The following NDUFB7 variants were observed in gnomAD, a reference collection of about 807,000 sequenced individuals.
NDUFB7 encodes the protein NADH:ubiquinone oxidoreductase subunit B7, also known as NADH dehydrogenase [ubiquinone] 1 beta subcomplex subunit 7.
A neutral mutation model predicts 14.7 loss-of-function variants in NDUFB7; 18 were observed. That is an observed-to-expected ratio of 1.22 (90% CI 0.85 to 1.81). The LOEUF (loss-of-function observed/expected upper bound fraction) is 1.81, where lower values mean the gene tolerates loss of function less well. Among genes scored for constraint, NDUFB7 ranks in the 40% most tolerant of loss-of-function variants. The pLI, the probability that NDUFB7 is intolerant of heterozygous loss-of-function variation, is 0.00. For synonymous variants in NDUFB7, 86 were observed against 76.1 expected (o/e 1.13, Z -0.68); for missense variants, 219 against 195.0 (o/e 1.12, Z -0.73).
At position 14,566,780 on chromosome 19, in the gene NDUFB7, T is replaced by C; in HGVS notation, c.266A>G (p.Tyr89Cys). ...GGGTGCTCACTCGCGGTGCTCGCAG[T>C]AGTCCCAGTCGTGCCGCTCCTGCTT... ...ACKQERHDWD[Y>C]CEHRDYVMRM... The change falls in exon 2 of 3, where the codon TAC becomes TGC. Residue 89 changes from tyrosine (Y) to cysteine (C), a missense_variant. Tyr to Cys is a radical substitution (Grantham distance 194, BLOSUM62 -2). Transcript: ENST00000215565. The C allele has an allele frequency of 1.3e-6, 2 of 1,545,078 alleles. No individual in the cohort carries two copies. Among genetic ancestry groups the C allele is most frequent in the Non-Finnish European group, 1.7e-6 (2 of 1,146,574 alleles).
chr19:14,568,356 TTCTCTGCTGCCG>T (rs1273515593), intron 1 of NDUFB7, among the ~76,000 whole-genome samples: 2 of 152,142 alleles, frequency 1.3e-5, no homozygotes, highest in Non-Finnish European at 2.9e-5. Flanking sequence ...GAGAGCCTTT[TTCTCTGCTGCCG>T]CCCCGTATGT....
rs1383633689 is a variant in NDUFB7, at chr19:14,567,160, G to A, written c.113-227C>T. 1.3e-5 allele frequency among the ~76,000 whole-genome samples: 2 copies of A among 152,060 alleles called. No individual in the cohort carries two copies. Among genetic ancestry groups the A allele is most frequent in the African/African-American group, 2.4e-5 (1 of 41,380 alleles). On this transcript the variant is annotated intron_variant, in intron 1 of 2. Transcript: ENST00000215565. This position sits in a 1 kb window ranked among gnomAD's most constrained non-coding sequence, Gnocchi z 5.1. ...ACTCCAGACACCAAGGGCCAGACAG[G>A]AGAAGGTGGCTCCCCATCACCCTGA...
chr19:14,571,602 G>GA (rs35596195), intron 1 of NDUFB7, among the ~76,000 whole-genome samples: 19 of 146,256 alleles, frequency 1.3e-4, no homozygotes, highest in Non-Finnish European at 1.4e-4. Context: ...CGTCTCAAAA[G>GA]AAAAAAAAAA....
rs35596195 is a variant in NDUFB7 at position 14,571,602 on chromosome 19, GAA to G, written c.112+285_112+286del. On this transcript the variant is annotated intron_variant, in intron 1 of 2. Transcript: ENST00000215565. Reference sequence around the variant, plus strand: ...GAAAAAGCGAGACTCCGTCTCAAAAGAAAAAAAAAAAAGACTCGACCCAGCTC... The same window carrying G: ...GAAAAAGCGAGACTCCGTCTCAAAAGAAAAAAAAAAGACTCGACCCAGCTC... Among the ~76,000 whole-genome samples, 1,020 of 146,280 alleles carry G rather than the reference GAA, an allele frequency of 7.0e-3. 11 individuals are homozygous for G. Among genetic ancestry groups the G allele is most frequent in the African/African-American group, 0.022 (886 of 40,146 alleles).
chr19:14,568,114 A>C (rs1455623297), intron 1 of NDUFB7, among the ~76,000 whole-genome samples: 6 of 152,086 alleles, frequency 3.9e-5, no homozygotes, highest in African/African-American at 1.4e-4. Flanking sequence ...GCAAGATCTC[A>C]GCTCACTGCA....
At chr19:14,570,747 T>C (rs1225486294) in intron 1 of NDUFB7, among the ~76,000 whole-genome samples, 1 of 152,232 alleles carries the variant, frequency 6.6e-6, no homozygotes, top group African/African-American at 2.4e-5. Flanking sequence ...CTGGAGACAG[T>C]GCCTGCATCC....
chr19:14,566,344 G>C, intron 2 of NDUFB7, 79 bp from the exon 3 acceptor site: 1 of 1,595,614 alleles, frequency 6.3e-7, no homozygotes, highest in East Asian at 2.2e-5. Flanking sequence ...CGGAGGGGCC[G>C]TCCCAGAGCA....
In NDUFB7 at chr19:14,567,339, G is replaced by A. The variant is rs1158313398; in HGVS notation, c.113-406C>T. On this transcript the variant is annotated intron_variant, in intron 1 of 2. Coordinates refer to ENST00000215565, the MANE Select transcript of NDUFB7 (RefSeq NM_004146.6). This position sits in a 1 kb window ranked among gnomAD's most constrained non-coding sequence, Gnocchi z 5.1. ...CCTCCACCTGCACCTGGGGCTCCAG[G>A]CAGCACTCCCAGCCTTTCTTGTCTG... Among the ~76,000 whole-genome samples the A allele has an allele frequency of 6.6e-6, 1 of 152,018 alleles. No individual in the cohort carries two copies. Among genetic ancestry groups the A allele is most frequent in the East Asian group, 1.9e-4 (1 of 5,178 alleles).
chr19:14,570,128 C>G (rs1353796784), intron 1 of NDUFB7, among the ~76,000 whole-genome samples: 2 of 152,054 alleles, frequency 1.3e-5, no homozygotes, highest in East Asian at 3.9e-4. Flanking sequence ...AACTCCTGAC[C>G]TCAGGTGATC....
chr19:14,566,409 G>A (rs2074086129), intron 2 of NDUFB7, 144 bp from the exon 3 acceptor site: 1 of 1,388,894 alleles, frequency 7.2e-7, no homozygotes, highest in Non-Finnish European at 9.8e-7. Flanking sequence ...CTTGGGTCTG[G>A]GGTCTGCCCA....
At position 14,566,113 on chromosome 19, in the gene NDUFB7, T is replaced by C. The variant is rs377258117; in HGVS notation, c.*20A>G. ...TGAAGGCTTTTATTTGACTGGTCCA[T>C]AGGGTGGGGGGTGCACCCCCTACAG... On this transcript the variant is annotated 3_prime_UTR_variant, in exon 3 of 3. Transcript: ENST00000215565. 10 of 1,601,970 alleles carry C rather than the reference T, an allele frequency of 6.2e-6. No homozygotes were observed. The highest frequency in any genetic ancestry group is 6.8e-6 in the Non-Finnish European group (8 of 1,174,088).
intron 2 of NDUFB7, 122 bp downstream of exon 2, chr19:14,566,643 G>T: frequency 1.1e-6 from 1 of 912,686 alleles, no homozygotes; most frequent in Non-Finnish European, 1.6e-6. Flanking sequence ...TGTTGGCGGG[G>T]GTGGGAGGGG....
chr19:14,571,290 C>T (rs2074123701), intron 1 of NDUFB7, among the ~76,000 whole-genome samples: 1 of 152,284 alleles, frequency 6.6e-6, no homozygotes, highest in South Asian at 2.1e-4. Context: ...CATGACTCCC[C>T]ACGTCCCCCA....
In NDUFB7 at chr19:14,566,927, A is replaced by G; in HGVS notation, c.119T>C (p.Val40Ala). The G allele has an allele frequency of 1.3e-6, 2 of 1,582,350 alleles. No individual in the cohort carries two copies. Among genetic ancestry groups the G allele is most frequent in the Non-Finnish European group, 1.7e-6 (2 of 1,169,102 alleles). The change falls in exon 2 of 3, where the codon GTG (valine) becomes GCG (alanine). Residue 40 changes from valine to alanine, a missense_variant. By Grantham distance (64) the Val-to-Ala change is moderately conservative (BLOSUM62 0). Transcript: ENST00000215565. ...GTCCATCATCTCCTGCTGTGTGGCC[A>G]CCATCTCTGCAGGGAGTGGGCGGGG... ...GFPERKEREM[V>A]ATQQEMMDAQ...
intron 1 of NDUFB7, among the ~76,000 whole-genome samples, chr19:14,568,409 C>T (rs1472097152): frequency 6.6e-6 from 1 of 152,194 alleles, no homozygotes; most frequent in African/African-American, 2.4e-5. Context: ...CTCCACCCCA[C>T]ACCTCGCTTG....
chr19:14,570,022 G>A (rs1003347308), intron 1 of NDUFB7, among the ~76,000 whole-genome samples: 1 of 151,922 alleles, frequency 6.6e-6, no homozygotes, highest in Non-Finnish European at 1.5e-5. Flanking sequence ...CTCCCAGACA[G>A]CTGGGATTAC....
chr19:14,566,986 C>T (rs1181597138), intron 1 of NDUFB7, 53 bp from the exon 2 acceptor site: 16 of 1,511,164 alleles, frequency 1.1e-5, no homozygotes, highest in African/African-American at 4.1e-5. Context: ...ACCCCAATTC[C>T]GGGGATCCCC....
Position 14,566,183 on chromosome 19 carries a change from ACT to A in NDUFB7, c.362_363del (p.Glu121ValfsTer?). On this transcript the variant is annotated frameshift_variant, in exon 3 of 3. Coordinates refer to ENST00000215565, the MANE Select transcript of NDUFB7 (RefSeq NM_004146.6). LOFTEE classifies it high-confidence loss of function. ...RKKRREKKAA[E>X]LAKGQGPGEV... is the part of the protein sequence containing the mutation. ...TCCCCGGGTCCCTGGCCTTTGGCCA[ACT>A]CTGCCGCCTTCTTCTCCCGCCGCTT... 4.3e-6 allele frequency: 7 copies of A among 1,613,318 alleles called. No individual in the cohort carries two copies. The highest frequency in any genetic ancestry group is 5.9e-6 in the Non-Finnish European group (7 of 1,179,768).
Position 14,570,817 on chromosome 19 carries a change from C to G in NDUFB7, c.112+1072G>C, listed in dbSNP as rs566763349. ...TGGGACGTGGCCCAGAGCTGGTGCTCGGTATGCCTGTGATATTACTACATT... is the reference window on the plus strand; with the variant it reads ...TGGGACGTGGCCCAGAGCTGGTGCTGGGTATGCCTGTGATATTACTACATT... On this transcript the variant is annotated intron_variant, in intron 1 of 2. Coordinates refer to ENST00000215565, the MANE Select transcript of NDUFB7 (RefSeq NM_004146.6). Among the ~76,000 whole-genome samples, 5 of 152,288 alleles carry G rather than the reference C, an allele frequency of 3.3e-5. No individual in the cohort carries two copies. The East Asian group carries it at 7.7e-4, about 23-fold the overall frequency.
Sources: allele counts gnomAD v4.1 joint callset (sites outside exome capture counted in the v4.1 genomes callset), GRCh38; gene constraint gnomAD v4.1.1; non-coding constraint Gnocchi (gnomAD v3.1); transcripts MANE v1.5; gene names NCBI Gene and HGNC (gene_info 2026-07-23, HGNC 2026-07-21).